Variants in FAM117A observed in about 807,000 individuals in gnomAD.
FAM117A encodes the protein family with sequence similarity 117 member A.
In FAM117A, 21 loss-of-function variants were observed where a neutral mutation model predicts 44.1. That is an observed-to-expected ratio of 0.48 (90% CI 0.34 to 0.69). FAM117A has a LOEUF of 0.69. FAM117A is among the 30% of genes least tolerant of loss of function. FAM117A has a pLI of 0.01. For synonymous variants in FAM117A, 220 were observed against 238.3 expected (o/e 0.92, Z 0.71); for missense variants, 498 against 589.9 (o/e 0.84, Z 1.61).
chr17:49,727,964 A>C (rs1223852260), intron 2 of FAM117A, among the ~76,000 whole-genome samples: 1 of 152,240 alleles, frequency 6.6e-6, no homozygotes, highest in Non-Finnish European at 1.5e-5. Context: ...GCAGGGAATC[A>C]GTCCCTTAGG....
intron 1 of FAM117A, among the ~76,000 whole-genome samples, chr17:49,747,660 A>G (rs922238894): frequency 6.6e-6 from 1 of 152,132 alleles, no homozygotes; most frequent in Non-Finnish European, 1.5e-5. Context: ...GTCAAGCTCT[A>G]TCTACTTCAT....
intron 1 of FAM117A, among the ~76,000 whole-genome samples, chr17:49,786,268 C>A (rs562923920): frequency 5.2e-4 from 79 of 152,146 alleles, no homozygotes; most frequent in Non-Finnish European, 1.0e-3. Context: ...GGGAATCTAG[C>A]ATAAGAAATT....
At chr17:49,731,750 C>T (rs2073586133) in intron 2 of FAM117A, among the ~76,000 whole-genome samples, 1 of 151,928 alleles carries the variant, frequency 6.6e-6, no homozygotes. Context: ...AGAATGTTGG[C>T]CTTGGTTTAA....
At chr17:49,788,031 C>T (rs756684546) in intron 1 of FAM117A, among the ~76,000 whole-genome samples, 1 of 152,180 alleles carries the variant, frequency 6.6e-6, no homozygotes, top group Non-Finnish European at 1.5e-5. Context: ...GCACTCGCCA[C>T]AGAGCTAAAT....
intron 1 of FAM117A, among the ~76,000 whole-genome samples, chr17:49,752,102 A>G (rs573044292): frequency 1.3e-5 from 2 of 152,278 alleles, no homozygotes; most frequent in South Asian, 4.1e-4. Flanking sequence ...TTAAAAAAAA[A>G]AATTCTATAC....
At chr17:49,759,959 A>G (rs985198373) in intron 1 of FAM117A, among the ~76,000 whole-genome samples, 1 of 152,220 alleles carries the variant, frequency 6.6e-6, no homozygotes, top group African/African-American at 2.4e-5. Flanking sequence ...AGATAAGCCT[A>G]AAGTAATTTC....
At chr17:49,767,975 G>C (rs1164610685), upstream of FAM117A, among the ~76,000 whole-genome samples, 3 of 151,982 alleles carry the variant, frequency 2.0e-5, no homozygotes, top group Non-Finnish European at 4.4e-5. Context: ...ATCTATAAGA[G>C]ACTTATTTGC....
At chr17:49,731,249 A>G (rs1318838671) in intron 2 of FAM117A, among the ~76,000 whole-genome samples, 1 of 152,204 alleles carries the variant, frequency 6.6e-6, no homozygotes, top group African/African-American at 2.4e-5. Context: ...GACTTGCCCA[A>G]TGTCCCCCAG....
intron 1 of FAM117A, among the ~76,000 whole-genome samples, chr17:49,760,894 G>C (rs2073720159): frequency 6.6e-6 from 1 of 152,126 alleles, no homozygotes; most frequent in African/African-American, 2.4e-5. Context: ...CCCAATAATG[G>C]CTCTTAGCTT....
intron 1 of FAM117A, 62 bp downstream of exon 1, chr17:49,763,830 G>A (rs1344786813): frequency 1.8e-5 from 3 of 170,046 alleles, no homozygotes; most frequent in African/African-American, 1.1e-4. Context: ...CCCCTCCCGC[G>A]GTCACGCGCC....
intron 1 of FAM117A, among the ~76,000 whole-genome samples, chr17:49,742,066 C>T (rs1054688307): frequency 3.3e-5 from 5 of 152,078 alleles, no homozygotes; most frequent in Middle Eastern, 3.2e-3. Flanking sequence ...AAAGAAACTA[C>T]ATTAGAAAGA....
At chr17:49,733,319 AG>A (rs1263101112) in intron 1 of FAM117A, among the ~76,000 whole-genome samples, 1 of 152,178 alleles carries the variant, frequency 6.6e-6, no homozygotes. Flanking sequence ...GAAACATCCA[AG>A]TTTTTTGGTT....
chr17:49,716,103 A>G, intron 7 of FAM117A, 62 bp downstream of exon 7: 1 of 1,575,784 alleles, frequency 6.3e-7, no homozygotes, highest in Non-Finnish European at 8.7e-7. Flanking sequence ...CCAAGACTGA[A>G]GAAGGTGGGA....
intron 1 of FAM117A, among the ~76,000 whole-genome samples, chr17:49,778,333 A>G (rs1284496092): frequency 6.6e-6 from 1 of 152,240 alleles, no homozygotes; most frequent in African/African-American, 2.4e-5. Context: ...ATGCAGATAA[A>G]TAACACATGG....
chr17:49,765,577 C>T (rs916177625), upstream of FAM117A: 2 of 152,018 alleles, frequency 1.3e-5, no homozygotes, highest in African/African-American at 2.4e-5. Context: ...TGGAACATAC[C>T]GAAGAAAGGT....
chr17:49,768,008 T>C (rs925951198), upstream of FAM117A, among the ~76,000 whole-genome samples: 1 of 152,160 alleles, frequency 6.6e-6, no homozygotes, highest in Non-Finnish European at 1.5e-5. Flanking sequence ...CAACAGCAAA[T>C]GCTGTTGACT....
chr17:49,712,175 G>C (rs553481811), intron 7 of FAM117A, among the ~76,000 whole-genome samples: 1 of 151,440 alleles, frequency 6.6e-6, no homozygotes, highest in Non-Finnish European at 1.5e-5. Flanking sequence ...TATTTCCTTA[G>C]TGAATGGTGT....
chr17:49,769,695 ACTCCGTCTC>A (rs2073755404), intron 1 of FAM117A, among the ~76,000 whole-genome samples: 1 of 151,960 alleles, frequency 6.6e-6, no homozygotes, highest in African/African-American at 2.4e-5. Flanking sequence ...ACAGAGCGAA[ACTCCGTCTC>A]AAAAAATAAA....
chr17:49,720,727 C>CT (rs1366176503), intron 3 of FAM117A, among the ~76,000 whole-genome samples: 28 of 149,214 alleles, frequency 1.9e-4, no homozygotes, highest in Non-Finnish European at 3.1e-4. Flanking sequence ...GACTACCCCT[C>CT]TTTTTTTTTT....
Sources: gnomAD v4.1 joint callset for allele counts (sites outside exome capture counted in the v4.1 genomes callset) on GRCh38, gnomAD v4.1.1 for gene constraint, MANE v1.5 for transcripts, NCBI Gene and HGNC (gene_info 2026-07-23, HGNC 2026-07-21) for gene names.